SLF1: variants seen among roughly 807,000 people sequenced by gnomAD.
SLF1 encodes SMC5/6 complex localization factor 1.
SLF1 carries 105 observed loss-of-function variants against 123.0 expected under a neutral mutation model. The observed-to-expected ratio is 0.85, with a 90% confidence interval of 0.73 to 1.00. The LOEUF (loss-of-function observed/expected upper bound fraction) is 1.00, where lower values mean the gene tolerates loss of function less well. Among genes scored for constraint, SLF1 ranks in the 50% least tolerant of loss-of-function variants. The probability of loss-of-function intolerance (pLI) is 0.00; values close to 1 mark genes in which losing one functional copy is unlikely to be tolerated. For synonymous variants in SLF1, 434 were observed against 406.6 expected (o/e 1.07, Z -0.81); for missense variants, 1,239 against 1,223.0 (o/e 1.01, Z -0.20).
In SLF1 at chr5:94,691,649, T is replaced by G; in HGVS notation, c.2505T>G (p.Asn835Lys). ...LLLSLPGIDI[N>K]VKDNAGWTPL... The stretch of plus-strand genomic sequence containing the variant: ...TCTCTTTGCCAGGAATAGACATCAA[T>G]GTTAAAGGTAAGTTTTAAATCTTTG... Residue 835 changes from asparagine to lysine, a missense_variant, in exon 19 of 21, where the codon AAT becomes AAG. Physicochemically the swap from Asn to Lys is moderately conservative, Grantham distance 94. Transcript: ENST00000265140. 1 of 1,606,382 alleles carries G rather than the reference T, an allele frequency of 6.2e-7. No homozygotes were observed. Among genetic ancestry groups the G allele is most frequent in the Non-Finnish European group, 8.5e-7 (1 of 1,177,138 alleles).
chr5:94,640,783 T>C (rs1169078629), intron 4 of SLF1, among the ~76,000 whole-genome samples: 1 of 152,218 alleles, frequency 6.6e-6, no homozygotes, highest in Non-Finnish European at 1.5e-5. Flanking sequence ...TTCTTTGATA[T>C]AATGCCTTTT....
chr5:94,677,227 AAAT>A (rs1751177045), intron 14 of SLF1, among the ~76,000 whole-genome samples: 1 of 152,216 alleles, frequency 6.6e-6, no homozygotes, highest in African/African-American at 2.4e-5. Context: ...CAAAGTGTGA[AAAT>A]AATATTTTAA....
At chr5:94,632,633 T>A (rs1302621049) in intron 4 of SLF1, among the ~76,000 whole-genome samples, 1 of 152,232 alleles carries the variant, frequency 6.6e-6, no homozygotes, top group Non-Finnish European at 1.5e-5. Flanking sequence ...ACTTTTTATC[T>A]GCATCTTTTG....
chr5:94,657,196 C>A (rs13358642), intron 9 of SLF1, among the ~76,000 whole-genome samples: 15 of 151,388 alleles, frequency 9.9e-5, no homozygotes, highest in Non-Finnish European at 1.9e-4. Flanking sequence ...ATAAATGTGC[C>A]TTTTAGCACT....
At chr5:94,640,341 T>C (rs1746305539) in intron 4 of SLF1, among the ~76,000 whole-genome samples, 1 of 152,216 alleles carries the variant, frequency 6.6e-6, no homozygotes, top group Non-Finnish European at 1.5e-5. Flanking sequence ...ATAGTTCTGA[T>C]GAGAACTCAG....
At chr5:94,668,500 AT>A (rs200379357) in intron 12 of SLF1, among the ~76,000 whole-genome samples, 4 of 151,166 alleles carry the variant, frequency 2.6e-5, no homozygotes, top group Admixed American at 2.0e-4. Context: ...CGCCTTGCTG[AT>A]TTTTTTTTGT....
chr5:94,680,945 A>G (rs2152494543), intron 15 of SLF1, among the ~76,000 whole-genome samples: 1 of 152,310 alleles, frequency 6.6e-6, no homozygotes, highest in East Asian at 1.9e-4. Context: ...ATCTATTAAT[A>G]TATTTGATCA....
chr5:94,681,981 A>T (rs1457438813), intron 15 of SLF1, among the ~76,000 whole-genome samples: 1 of 152,064 alleles, frequency 6.6e-6, no homozygotes, highest in African/African-American at 2.4e-5. Flanking sequence ...CTATAACCAA[A>T]TTTGAAGGCT....
At chr5:94,627,086 ACT>A (rs1792315952) in intron 1 of SLF1, among the ~76,000 whole-genome samples, 1 of 152,096 alleles carries the variant, frequency 6.6e-6, no homozygotes, top group Non-Finnish European at 1.5e-5. Flanking sequence ...TTAAAAATAG[ACT>A]CTCTGTGAAG....
At chr5:94,685,735 T>G (rs532930735) in intron 15 of SLF1, among the ~76,000 whole-genome samples, 1 of 151,844 alleles carries the variant, frequency 6.6e-6, no homozygotes, top group Non-Finnish European at 1.5e-5. Flanking sequence ...CTTGGGAGGC[T>G]GAGGCAGGAG....
At position 94,685,005 on chromosome 5, in the gene SLF1, T is replaced by G. The variant is rs1202591959; in HGVS notation, c.1976-1568T>G. 2.0e-5 allele frequency among the ~76,000 whole-genome samples: 3 copies of G among 152,248 alleles called. No homozygotes were observed. The East Asian group carries it at 5.8e-4, about 29-fold the overall frequency. On this transcript the variant is annotated intron_variant, in intron 15 of 20. Coordinates refer to ENST00000265140, the MANE Select transcript of SLF1 (RefSeq NM_032290.4). ...TGGGCCTTTGCCCACTAGATGCCAA[T>G]AGCATCCCTTTCCCCAATGTGGCAA... is the stretch of plus-strand genomic sequence containing the variant.
At chr5:94,693,159 A>G (rs1209451630) in intron 20 of SLF1, among the ~76,000 whole-genome samples, 1 of 152,110 alleles carries the variant, frequency 6.6e-6, no homozygotes, top group Non-Finnish European at 1.5e-5. Context: ...TTTAGTATAT[A>G]TGCATCTAAG....
chr5:94,654,899 T>A, intron 9 of SLF1, 147 bp downstream of exon 9: 1 of 560,842 alleles, frequency 1.8e-6, no homozygotes, highest in Non-Finnish European at 2.5e-6. Flanking sequence ...TAGTCTATTA[T>A]ACAGTAATGT....
At position 94,630,556 on chromosome 5, in the gene SLF1, T is replaced by C; in HGVS notation, c.244T>C (p.Trp82Arg). 6.4e-7 allele frequency: 1 copy of C among 1,551,630 alleles called. No homozygotes were observed. Among genetic ancestry groups the C allele is most frequent in the Non-Finnish European group, 8.7e-7 (1 of 1,146,912 alleles). Residue 82 changes from tryptophan (W) to arginine (R), a missense_variant, in exon 4 of 21, where the codon TGG becomes CGG. Physicochemically the swap from Trp to Arg is moderately radical, Grantham distance 101. Coordinates refer to ENST00000265140, the MANE Select transcript of SLF1 (RefSeq NM_032290.4). ...AATTCATAGTGCCAAAAGTGGCAGA[T>C]GGCTTGATGAAACAACTTATGAATG... ...YIIHSAKSGR[W>R]LDETTYEWGY...
At chr5:94,631,698 G>T (rs1745213895) in intron 4 of SLF1, among the ~76,000 whole-genome samples, 1 of 152,114 alleles carries the variant, frequency 6.6e-6, no homozygotes, top group Non-Finnish European at 1.5e-5. Flanking sequence ...TATAAATTGA[G>T]CTGCTATGAA....
chr5:94,635,029 G>A (rs1745597265), intron 4 of SLF1, among the ~76,000 whole-genome samples: 1 of 152,102 alleles, frequency 6.6e-6, no homozygotes. Context: ...CTGTGCAGAA[G>A]CTTTTTAGTT....
At chr5:94,631,736 A>G (rs1039007528) in intron 4 of SLF1, among the ~76,000 whole-genome samples, 3 of 152,166 alleles carry the variant, frequency 2.0e-5, no homozygotes, top group Admixed American at 1.3e-4. Flanking sequence ...TCATGCAGAC[A>G]TGTTTTCAGT....
chr5:94,694,970 ACATTTT>A lies in SLF1; in HGVS notation c.2840_2845del (p.Phe947_His948del). On this transcript the variant is annotated inframe_deletion, in exon 21 of 21. Transcript: ENST00000265140. ...AGAACTTTCATGCACAAGCAGAGAA[ACATTTT>A]CATTACCAGCAACTTGAATTTGGCT... is the stretch of plus-strand genomic sequence containing the variant. 1 of 1,612,706 alleles carries A rather than the reference ACATTTT, an allele frequency of 6.2e-7. No individual in the cohort carries two copies. Among genetic ancestry groups the A allele is most frequent in the Non-Finnish European group, 8.5e-7 (1 of 1,179,162 alleles).
chr5:94,687,824 TAG>T, intron 16 of SLF1, among the ~76,000 whole-genome samples: 1 of 152,208 alleles, frequency 6.6e-6, no homozygotes, highest in Non-Finnish European at 1.5e-5. Flanking sequence ...AATTCCTACA[TAG>T]GTTATTATTT....
Sources: allele counts gnomAD v4.1 joint callset (sites outside exome capture counted in the v4.1 genomes callset), GRCh38; gene constraint gnomAD v4.1.1; transcripts MANE v1.5; gene names NCBI Gene and HGNC (gene_info 2026-07-23, HGNC 2026-07-21).